Variants in SNX29 observed in about 807,000 individuals in gnomAD.
SNX29 encodes sorting nexin 29, also known as sorting nexin-29.
SNX29 carries 78 observed loss-of-function variants against 102.1 expected under a neutral mutation model. The ratio of observed to expected loss-of-function variants is 0.76; its 90% confidence interval spans 0.64 to 0.92. SNX29 has a LOEUF of 0.92. SNX29 is among the 40% of genes least tolerant of loss of function. The pLI is 0.00. For missense variants in SNX29, 1,280 were observed against 1,061.7 expected (o/e 1.21, Z -2.86); for synonymous variants, 580 against 414.5 (o/e 1.40, Z -4.85).
At chr16:12,171,022 C>T (rs1257910690) in intron 13 of SNX29, among the ~76,000 whole-genome samples, 1 of 151,984 alleles carries the variant, frequency 6.6e-6, no homozygotes, top group Non-Finnish European at 1.5e-5. Flanking sequence ...TATCTTAGAT[C>T]ACATAGCAGC....
intron 19 of SNX29, among the ~76,000 whole-genome samples, chr16:12,482,223 A>G (rs1199078776): frequency 6.6e-6 from 1 of 152,218 alleles, no homozygotes; most frequent in East Asian, 1.9e-4. Context: ...GCACACGTCT[A>G]GACAAGACGT....
intron 6 of SNX29, among the ~76,000 whole-genome samples, chr16:12,046,817 C>G (rs1294176453): frequency 1.3e-5 from 2 of 152,168 alleles, no homozygotes; most frequent in Non-Finnish European, 2.9e-5. Flanking sequence ...TAGAGTTTCA[C>G]TATGTTGGTC....
chr16:12,329,892 C>T (rs757187363), intron 15 of SNX29, among the ~76,000 whole-genome samples: 47 of 152,112 alleles, frequency 3.1e-4, no homozygotes, highest in African/African-American at 5.1e-4. Context: ...GGGACTAAGA[C>T]GCGTTAACAG....
intron 15 of SNX29, among the ~76,000 whole-genome samples, chr16:12,336,062 C>G (rs972267102): frequency 6.6e-5 from 10 of 152,046 alleles, no homozygotes; most frequent in Admixed American, 3.9e-4. Flanking sequence ...CTTATTAAAT[C>G]AAAGAAGAAG....
At position 12,397,843 on chromosome 16, in the gene SNX29, A is replaced by G. The variant is rs539961826; in HGVS notation, c.1900-603A>G. ...TGAATGCTTGCTTGCCCTCACCCCC[A>G]CCTCCACAGTGTGGGGTCAGGACCC... On this transcript the variant is annotated intron_variant, in intron 16 of 20. Transcript: ENST00000566228. Among the ~76,000 whole-genome samples the G allele has an allele frequency of 9.2e-4, 140 of 151,978 alleles. 1 individual carries two copies. The highest frequency in any genetic ancestry group is 3.2e-3 in the African/African-American group (131 of 41,434).
intron 13 of SNX29, among the ~76,000 whole-genome samples, chr16:12,142,043 C>G (rs1207245648): frequency 1.3e-5 from 2 of 152,170 alleles, no homozygotes; most frequent in Non-Finnish European, 2.9e-5. Context: ...TCCCCACGGC[C>G]CCCAGTGAGA....
intron 18 of SNX29, among the ~76,000 whole-genome samples, chr16:12,458,673 A>G (rs2086638816): frequency 6.6e-6 from 1 of 151,646 alleles, no homozygotes; most frequent in Non-Finnish European, 1.5e-5. Context: ...TAGATGAGTT[A>G]GAAGGCCAGT....
intron 20 of SNX29, among the ~76,000 whole-genome samples, chr16:12,562,064 C>A (rs1008491529): frequency 6.7e-6 from 1 of 149,310 alleles, no homozygotes; most frequent in African/African-American, 2.4e-5. Flanking sequence ...CGTTTTCCTT[C>A]CCGTGTTTTC....
At chr16:12,149,151 T>C (rs564080049) in intron 13 of SNX29, among the ~76,000 whole-genome samples, 17 of 152,242 alleles carry the variant, frequency 1.1e-4, no homozygotes, top group Non-Finnish European at 1.5e-4. Context: ...GTTTGGCTTA[T>C]GTTTCCAAGG....
At chr16:12,526,466 G>A (rs1487550317) in intron 20 of SNX29, 4 of 475,130 alleles carry the variant, frequency 8.4e-6, no homozygotes, top group Admixed American at 5.0e-5. Context: ...TGCTGCCTGT[G>A]ATAAGAGGTG....
Position 12,009,523 on chromosome 16 carries a change from G to A in SNX29, c.122+6480G>A, listed in dbSNP as rs1402707584. On this transcript the variant is annotated intron_variant, in intron 3 of 20. Coordinates refer to ENST00000566228, the MANE Select transcript of SNX29 (RefSeq NM_032167.5). ...TTTGATCTTGTGAGAGACGGACACCGTGAGATGCTGCCATCTTCACATGGA... is the reference window on the plus strand; with the variant it reads ...TTTGATCTTGTGAGAGACGGACACCATGAGATGCTGCCATCTTCACATGGA... 3.3e-5 allele frequency among the ~76,000 whole-genome samples: 5 copies of A among 151,796 alleles called. 1 individual carries two copies. The highest frequency in any genetic ancestry group is 2.6e-4 in the Admixed American group (4 of 15,174).
At chr16:12,263,939 C>A (rs572667852) in intron 14 of SNX29, among the ~76,000 whole-genome samples, 1 of 152,170 alleles carries the variant, frequency 6.6e-6, no homozygotes. Flanking sequence ...AGGTCATGAT[C>A]TGATGTTCTA....
chr16:12,515,510 C>T lies in SNX29; in HGVS notation c.2179-9192C>T, dbSNP rs185715308. 8.6e-4 allele frequency: 418 copies of T among 488,824 alleles called. 2 individuals are homozygous for T. The highest frequency in any genetic ancestry group is 1.8e-4 in the Non-Finnish European group (44 of 245,684). 30.3% of individuals were successfully genotyped at this position (488,824 alleles called of 1,614,324 possible). The stretch of plus-strand genomic sequence containing the variant: ...ATTCGCTTCTCCTTGCCTCCCCAGC[C>T]GCCACCATCTCCTGCCTGGATGACT... On this transcript the variant is annotated intron_variant, in intron 19 of 20. Transcript: ENST00000566228.
chr16:12,015,302 C>T (rs1449516866), intron 3 of SNX29, among the ~76,000 whole-genome samples: 1 of 151,868 alleles, frequency 6.6e-6, no homozygotes. Context: ...GATTGGAGTG[C>T]TGTAGTGCGA....
At chr16:12,541,222 A>C (rs1037492307) in intron 20 of SNX29, among the ~76,000 whole-genome samples, 1 of 152,118 alleles carries the variant, frequency 6.6e-6, no homozygotes, top group Admixed American at 6.5e-5. Context: ...GTGCATGGAG[A>C]GAAGGACTAT....
intron 20 of SNX29, among the ~76,000 whole-genome samples, chr16:12,564,644 G>C (rs1037160330): frequency 2.0e-5 from 3 of 152,168 alleles, no homozygotes; most frequent in African/African-American, 7.2e-5. Context: ...GTCCCTGCTG[G>C]GGAGCAGGAA....
intron 18 of SNX29, among the ~76,000 whole-genome samples, chr16:12,458,214 C>T (rs1021931736): frequency 3.3e-5 from 5 of 152,146 alleles, no homozygotes; most frequent in African/African-American, 1.2e-4. Context: ...CATCTGTGAG[C>T]CCAGAGGGAC....
At chr16:12,552,046 G>C (rs2078010509) in intron 20 of SNX29, among the ~76,000 whole-genome samples, 1 of 151,404 alleles carries the variant, frequency 6.6e-6, no homozygotes, top group Non-Finnish European at 1.5e-5. Flanking sequence ...CAGATGGGAA[G>C]GATTTTTGGG....
intron 20 of SNX29, among the ~76,000 whole-genome samples, chr16:12,541,693 G>C (rs2077349303): frequency 6.6e-6 from 1 of 152,044 alleles, no homozygotes; most frequent in East Asian, 1.9e-4. Context: ...CACTACCCTG[G>C]GGCGGGAGTG....
Sources: gnomAD v4.1 joint callset for allele counts (sites outside exome capture counted in the v4.1 genomes callset) on GRCh38, gnomAD v4.1.1 for gene constraint, MANE v1.5 for transcripts, NCBI Gene and HGNC (gene_info 2026-07-23, HGNC 2026-07-21) for gene names.